Variants in NTM observed in about 807,000 individuals in gnomAD.
NTM encodes neurotrimin, also known as IgLON family member 2.
In NTM, 13 loss-of-function variants were observed where a neutral mutation model predicts 42.1. That is an observed-to-expected ratio of 0.31 (90% CI 0.20 to 0.49). The LOEUF is 0.49. NTM is among the 20% of genes least tolerant of loss of function. The pLI, the probability that NTM is intolerant of heterozygous loss-of-function variation, is 0.99. For missense variants in NTM, 373 were observed against 452.8 expected (o/e 0.82, Z 1.60); for synonymous variants, 187 against 179.2 (o/e 1.04, Z -0.35).
intron 2 of NTM, among the ~76,000 whole-genome samples, chr11:132,080,955 C>T (rs1250436506): frequency 6.6e-6 from 1 of 152,268 alleles, no homozygotes; most frequent in East Asian, 1.9e-4. Flanking sequence ...AAGTTTAGGG[C>T]AAGGTCCCAT....
chr11:132,135,658 T>C (rs554959585), intron 2 of NTM, among the ~76,000 whole-genome samples: 84 of 152,270 alleles, frequency 5.5e-4, no homozygotes, highest in Non-Finnish European at 1.0e-3. Flanking sequence ...TAGGCACTTG[T>C]GGCTGTCTGT....
intron 2 of NTM, among the ~76,000 whole-genome samples, chr11:132,038,428 G>A (rs2076771468): frequency 6.6e-6 from 1 of 152,176 alleles, no homozygotes; most frequent in Admixed American, 6.5e-5. Context: ...GCCCGGAGGA[G>A]TGTGTGATCC....
At chr11:132,215,653 G>A (rs1316493748) in intron 4 of NTM, among the ~76,000 whole-genome samples, 1 of 152,182 alleles carries the variant, frequency 6.6e-6, no homozygotes, top group African/African-American at 2.4e-5. Flanking sequence ...CCACCTCTTG[G>A]CACTTCCATT....
intron 3 of NTM, among the ~76,000 whole-genome samples, chr11:132,156,408 TTCCA>T (rs2073201525): frequency 1.3e-5 from 2 of 152,224 alleles, no homozygotes; most frequent in South Asian, 4.1e-4. Context: ...CAAATGCCAT[TTCCA>T]TAGAGAACTT....
At chr11:131,798,888 G>C (rs2091859832) in intron 1 of NTM, among the ~76,000 whole-genome samples, 1 of 152,172 alleles carries the variant, frequency 6.6e-6, no homozygotes, top group Non-Finnish European at 1.5e-5. Flanking sequence ...CTAACTGCTT[G>C]TTCAGTGATA....
chr11:131,927,142 C>T (rs780097861), intron 2 of NTM, among the ~76,000 whole-genome samples: 3 of 152,178 alleles, frequency 2.0e-5, no homozygotes, highest in African/African-American at 4.8e-5. Flanking sequence ...CAAACCTACA[C>T]AGTGTGTATG....
At chr11:131,662,225 A>G (rs1379703360) in intron 1 of NTM, 1 of 152,222 alleles carries the variant, frequency 6.6e-6, no homozygotes, top group Non-Finnish European at 1.5e-5. Context: ...GGGAGGATAA[A>G]AGAAAACTCA....
chr11:131,425,357 T>G (rs1387837473), intron 1 of NTM, among the ~76,000 whole-genome samples: 2 of 152,274 alleles, frequency 1.3e-5, no homozygotes, highest in Non-Finnish European at 2.9e-5. Flanking sequence ...CCCTCACACC[T>G]AAACAGTTTG....
intron 1 of NTM, among the ~76,000 whole-genome samples, chr11:131,584,884 C>T (rs75140493): frequency 0.026 from 3,993 of 152,274 alleles, 173 homozygotes; most frequent in African/African-American, 0.091. Flanking sequence ...CCTCTCAGTG[C>T]TGCATCGGGC....
At chr11:131,402,409 A>ACT (rs1945345747) in intron 1 of NTM, among the ~76,000 whole-genome samples, 2 of 143,334 alleles carry the variant, frequency 1.4e-5, no homozygotes, top group African/African-American at 5.1e-5. Context: ...AAAAAAAAAA[A>ACT]CAAATATTGG....
chr11:131,752,094 G>A (rs1346185344), intron 1 of NTM, among the ~76,000 whole-genome samples: 2 of 152,198 alleles, frequency 1.3e-5, no homozygotes, highest in Non-Finnish European at 2.9e-5. Flanking sequence ...GCTAGAAGTT[G>A]AAAGATTGAT....
intron 1 of NTM, among the ~76,000 whole-genome samples, chr11:131,806,404 C>T (rs761246957): frequency 1.3e-5 from 2 of 152,168 alleles, no homozygotes; most frequent in African/African-American, 4.8e-5. Flanking sequence ...ATGAAAAGCT[C>T]ATGTGAGCCT....
chr11:131,824,362 C>G (rs941327063), intron 1 of NTM, among the ~76,000 whole-genome samples: 9 of 152,150 alleles, frequency 5.9e-5, no homozygotes, highest in Non-Finnish European at 8.8e-5. Flanking sequence ...AAGCTCCAGA[C>G]GTAGAGCTGG....
At chr11:131,500,256 C>A (rs562021149) in intron 1 of NTM, among the ~76,000 whole-genome samples, 1 of 152,262 alleles carries the variant, frequency 6.6e-6, no homozygotes, top group Non-Finnish European at 1.5e-5. Flanking sequence ...CCACTCCTTC[C>A]TTTCTCTCTT....
chr11:131,883,117 G>A (rs776557669), intron 1 of NTM, among the ~76,000 whole-genome samples: 29 of 152,108 alleles, frequency 1.9e-4, no homozygotes, highest in African/African-American at 4.8e-4. Flanking sequence ...GACTCAAACC[G>A]TCCCCATGAA....
At chr11:131,930,031 T>C (rs765358128) in intron 2 of NTM, among the ~76,000 whole-genome samples, 36 of 152,228 alleles carry the variant, frequency 2.4e-4, no homozygotes, top group Non-Finnish European at 4.7e-4. Context: ...GTTGATGTTA[T>C]TGCCTTGCTC....
At chr11:131,500,577 ATTTTTTTTTTTTT>A (rs71475759) in intron 1 of NTM, among the ~76,000 whole-genome samples, 1 of 76,214 alleles carries the variant, frequency 1.3e-5, no homozygotes, top group African/African-American at 8.2e-5. Flanking sequence ...ATATATATAT[ATTTTTTTTTTTTT>A]TTTTTGTATT....
At chr11:131,883,956 G>A (rs1034205224) in intron 1 of NTM, among the ~76,000 whole-genome samples, 4 of 152,220 alleles carry the variant, frequency 2.6e-5, no homozygotes, top group African/African-American at 7.2e-5. Flanking sequence ...GGGGGAGGAA[G>A]TGGCCATATG....
chr11:131,815,362 T>C (rs1427582742), intron 1 of NTM, among the ~76,000 whole-genome samples: 1 of 152,016 alleles, frequency 6.6e-6, no homozygotes, highest in Non-Finnish European at 1.5e-5. Context: ...CCACCCTCCA[T>C]CCCAGCCCTC....
Sources: allele counts gnomAD v4.1 joint callset (sites outside exome capture counted in the v4.1 genomes callset), GRCh38; gene constraint gnomAD v4.1.1; transcripts MANE v1.5; gene names NCBI Gene and HGNC (gene_info 2026-07-23, HGNC 2026-07-21).